The following TPST1 variants were observed in gnomAD, a reference collection of about 807,000 sequenced individuals.
The protein encoded by TPST1 is protein-tyrosine sulfotransferase 1.
A neutral mutation model predicts 34.8 loss-of-function variants in TPST1; 20 were observed. The observed-to-expected ratio is 0.57, with a 90% CI of 0.40 to 0.84. The LOEUF (loss-of-function observed/expected upper bound fraction) is 0.84. TPST1 is among the 40% of genes least tolerant of loss of function. The pLI is 0.00. For missense variants in TPST1, 353 were observed against 455.5 expected (o/e 0.78, Z 2.05); for synonymous variants, 152 against 159.4 (o/e 0.95, Z 0.35).
At chr7:66,292,784 T>C (rs1187119653) in intron 3 of TPST1, among the ~76,000 whole-genome samples, 6 of 148,974 alleles carry the variant, frequency 4.0e-5, no homozygotes, top group African/African-American at 1.5e-4. Context: ...ATGAACCCGG[T>C]ACCTCAGATG....
chr7:66,313,559 T>G (rs7794930), intron 3 of TPST1, among the ~76,000 whole-genome samples: 93,439 of 152,060 alleles, frequency 0.61, 29,244 homozygotes, highest in African/African-American at 0.73. Flanking sequence ...CAGTAATATT[T>G]GGACCTCTAT....
At chr7:66,357,279 C>T (rs1792600686) in intron 5 of TPST1, among the ~76,000 whole-genome samples, 1 of 152,180 alleles carries the variant, frequency 6.6e-6, no homozygotes, top group Admixed American at 6.5e-5. Context: ...AGTCCATAGG[C>T]AAGGAAACCC....
At chr7:66,275,755 G>A (rs1190109534) in intron 2 of TPST1, among the ~76,000 whole-genome samples, 1 of 152,132 alleles carries the variant, frequency 6.6e-6, no homozygotes. Flanking sequence ...TGGATTAAAG[G>A]ATATAAAATT....
chr7:66,217,990 C>T (rs943643061), intron 1 of TPST1, among the ~76,000 whole-genome samples: 39 of 152,242 alleles, frequency 2.6e-4, no homozygotes, highest in African/African-American at 8.9e-4. Flanking sequence ...AGCAATTCTC[C>T]TGCCTCAGCC....
At chr7:66,253,370 C>CTTTT (rs199518226) in intron 2 of TPST1, among the ~76,000 whole-genome samples, 6 of 130,166 alleles carry the variant, frequency 4.6e-5, no homozygotes, top group South Asian at 2.5e-4. Flanking sequence ...AGATCGCTTT[C>CTTTT]TTTTTTTTTT....
At chr7:66,339,833 TAA>T (rs71526540) in intron 3 of TPST1, among the ~76,000 whole-genome samples, 294 of 112,444 alleles carry the variant, frequency 2.6e-3, no homozygotes, top group African/African-American at 8.9e-3. Context: ...CCCCTCAACC[TAA>T]AAAAAAAAAA....
chr7:66,328,906 A>ATTT (rs1172711561), intron 3 of TPST1, among the ~76,000 whole-genome samples: 133 of 13,156 alleles, frequency 0.01, 21 homozygotes, highest in East Asian at 0.022. Context: ...ATATATATAT[A>ATTT]TTTTTTTTTT....
chr7:66,284,969 T>C (rs1458124300), intron 2 of TPST1, among the ~76,000 whole-genome samples: 1 of 152,204 alleles, frequency 6.6e-6, no homozygotes, highest in Admixed American at 6.5e-5. Flanking sequence ...CATTCTCCAA[T>C]TATTCTTCCC....
At chr7:66,221,040 G>GGA (rs768460287) in intron 1 of TPST1, among the ~76,000 whole-genome samples, 7 of 152,158 alleles carry the variant, frequency 4.6e-5, no homozygotes, top group Non-Finnish European at 7.4e-5. Flanking sequence ...GGCTGAGGCA[G>GGA]GAGAATTGCT....
rs919489768 is a variant in TPST1, at chr7:66,321,272, T to C, written c.1045-31233T>C. The stretch of plus-strand genomic sequence containing the variant: ...TGTGTGACAACACACACAAAATGTT[T>C]CCAATCAAGGAAGCTCACCTGAGCT... On this transcript the variant is annotated intron_variant, in intron 3 of 5. Transcript: ENST00000304842. Among the ~76,000 whole-genome samples, 6 of 152,228 alleles carry C rather than the reference T, an allele frequency of 3.9e-5. No homozygotes were observed. In the East Asian group the frequency reaches 1.2e-3, roughly 29 times the overall value.
intron 2 of TPST1, among the ~76,000 whole-genome samples, chr7:66,267,221 T>C (rs1790610069): frequency 6.6e-6 from 1 of 152,078 alleles, no homozygotes; most frequent in African/African-American, 2.4e-5. Flanking sequence ...TAAAAACAGG[T>C]CTACTGATGA....
intron 1 of TPST1, among the ~76,000 whole-genome samples, chr7:66,224,902 T>C (rs1789616779): frequency 5.0e-5 from 1 of 19,834 alleles, no homozygotes; most frequent in African/African-American, 1.8e-4. Flanking sequence ...TCTGGTATTC[T>C]TTTTTTTTTT....
At chr7:66,333,386 G>A (rs998160469) in intron 3 of TPST1, among the ~76,000 whole-genome samples, 10 of 152,234 alleles carry the variant, frequency 6.6e-5, no homozygotes, top group African/African-American at 2.2e-4. Context: ...ATTTCTTTTA[G>A]GTCTTATGTA....
At chr7:66,242,692 A>G (rs1253301766) in intron 2 of TPST1, among the ~76,000 whole-genome samples, 1 of 152,182 alleles carries the variant, frequency 6.6e-6, no homozygotes, top group Non-Finnish European at 1.5e-5. Flanking sequence ...CACCGATGCC[A>G]CCTACATCTG....
intron 3 of TPST1, among the ~76,000 whole-genome samples, chr7:66,292,962 T>C (rs1430044859): frequency 2.0e-5 from 3 of 152,162 alleles, no homozygotes; most frequent in Non-Finnish European, 2.9e-5. Context: ...ATCCCAGCAC[T>C]TTGGGAGGTC....
At chr7:66,251,793 C>CT (rs894012854) in intron 2 of TPST1, among the ~76,000 whole-genome samples, 34 of 141,918 alleles carry the variant, frequency 2.4e-4, no homozygotes, top group Admixed American at 4.2e-4. Context: ...CGGTCAGGTT[C>CT]TTTTTTTTTT....
intron 3 of TPST1, among the ~76,000 whole-genome samples, chr7:66,346,684 A>G (rs1438820105): frequency 1.3e-5 from 2 of 151,806 alleles, no homozygotes; most frequent in African/African-American, 4.8e-5. Context: ...GTATTATTCG[A>G]TTTTTTATTG....
chr7:66,213,389 G>T (rs998125249), intron 1 of TPST1, among the ~76,000 whole-genome samples: 3 of 152,008 alleles, frequency 2.0e-5, no homozygotes, highest in Admixed American at 6.6e-5. Flanking sequence ...TTTTTATTGG[G>T]TTTTTTGTCT....
rs941257066 is a variant in TPST1, at chr7:66,241,161, C to G, written c.736C>G (p.Pro246Ala). ...TCACTATGAACAACTTGTCTTACAT[C>G]CTGAACGGTGGATGAGAACACTCTT... Reference protein sequence around the residue: ...LVHYEQLVLHPERWMRTLLKF... With the variant: ...LVHYEQLVLHAERWMRTLLKF... Residue 246 changes from proline to alanine, a missense_variant, in exon 2 of 6, where the codon CCT (proline) becomes GCT (alanine). By Grantham distance (27) the Pro-to-Ala change is conservative. Transcript: ENST00000304842. The G allele has an allele frequency of 1.2e-6, 2 of 1,614,042 alleles. No individual in the cohort carries two copies. Among genetic ancestry groups the G allele is most frequent in the Non-Finnish European group, 1.7e-6 (2 of 1,180,050 alleles).
Sources: gnomAD v4.1 joint callset for allele counts (sites outside exome capture counted in the v4.1 genomes callset) on GRCh38, gnomAD v4.1.1 for gene constraint, MANE v1.5 for transcripts, NCBI Gene and HGNC (gene_info 2026-07-23, HGNC 2026-07-21) for gene names.